Variants in TG observed in about 807,000 individuals in gnomAD.
TG encodes thyroglobulin, also known as thyroid hormones.
TG carries 270 observed loss-of-function variants against 324.7 expected under a neutral mutation model. The observed-to-expected ratio is 0.83, with a 90% CI of 0.75 to 0.92. The LOEUF (loss-of-function observed/expected upper bound fraction) is 0.92. TG is among the 40% of genes least tolerant of loss of function. TG has a pLI of 0.00. For missense variants in TG, 3,591 were observed against 3,456.4 expected (o/e 1.04, Z -0.98); for synonymous variants, 1,401 against 1,327.0 (o/e 1.06, Z -1.21).
chr8:133,076,622 T>G (rs538280224), intron 41 of TG: 1 of 152,266 alleles, frequency 6.6e-6, no homozygotes, highest in East Asian at 1.9e-4. Flanking sequence ...GTCAGAGGTA[T>G]GAGTTTTGTG....
chr8:133,094,934 C>T (rs1848177534), intron 41 of TG, 110 bp from the exon 42 acceptor site: 2 of 1,510,556 alleles, frequency 1.3e-6, no homozygotes, highest in Admixed American at 3.3e-5. Flanking sequence ...TCCTGGGACT[C>T]CCAAGCTTGG....
chr8:132,982,816 T>C (rs1831048862), intron 34 of TG, among the ~76,000 whole-genome samples: 2 of 152,230 alleles, frequency 1.3e-5, no homozygotes. Flanking sequence ...ACAGAGTCAG[T>C]AAGTGATAGT....
At chr8:133,051,784 G>C (rs866316715) in intron 41 of TG, among the ~76,000 whole-genome samples, 5 of 152,158 alleles carry the variant, frequency 3.3e-5, no homozygotes, top group African/African-American at 9.7e-5. Context: ...ATTTTTGGGG[G>C]AAATAACAAG....
intron 36 of TG, among the ~76,000 whole-genome samples, chr8:133,013,235 T>C (rs948149379): frequency 2.0e-5 from 3 of 152,256 alleles, no homozygotes; most frequent in African/African-American, 7.2e-5. Flanking sequence ...CTAGGATTTA[T>C]TGTAGTGCTC....
intron 10 of TG, 28 bp from the exon 11 acceptor site, chr8:132,893,662 T>C: frequency 1.9e-6 from 3 of 1,613,072 alleles, no homozygotes; most frequent in Non-Finnish European, 2.5e-6. Context: ...GGTGAGTGAG[T>C]CCATCTGTGT....
In TG at chr8:132,961,044, C is replaced by G. The variant is rs761925611; in HGVS notation, c.5438C>G (p.Thr1813Ser). 5 of 1,613,922 alleles carry G rather than the reference C, an allele frequency of 3.1e-6. No individual in the cohort carries two copies. Among genetic ancestry groups the G allele is most frequent in the Non-Finnish European group, 4.2e-6 (5 of 1,179,972 alleles). The change falls in exon 28 of 48, where the codon ACC (threonine) becomes AGC (serine). Residue 1813 changes from threonine (T) to serine (S), a missense_variant. Physicochemically the swap from Thr to Ser is moderately conservative, Grantham distance 58 (BLOSUM62 1). Transcript: ENST00000220616. The stretch of plus-strand genomic sequence containing the variant: ...TTAGAAGGAACTCAAGACACCTTTA[C>G]CAATTTTCAGCAGGTTTATCTCTGG... ...TPLEGTQDTF[T>S]NFQQVYLWKD... is the part of the protein sequence containing the mutation.
chr8:132,870,884 G>C (rs1358321335), intron 3 of TG, among the ~76,000 whole-genome samples: 1 of 152,132 alleles, frequency 6.6e-6, no homozygotes, highest in African/African-American at 2.4e-5. Context: ...CTCTTCATAA[G>C]GGATCCACTT....
Position 133,118,320 on chromosome 8 carries a change from CTTTTTTTTTTT to C in TG, c.7862+1618_7862+1628del, listed in dbSNP as rs34171048. Among the ~76,000 whole-genome samples, 6 of 88,972 alleles carry C rather than the reference CTTTTTTTTTTT, an allele frequency of 6.7e-5. No individual in the cohort carries two copies. In the East Asian group the frequency reaches 1.2e-3, roughly 19 times the overall value. The allele number at this position is 88,972 out of a possible 152,430, so 58.4% of individuals were successfully genotyped here. A position where few individuals can be genotyped will look rare whatever the true frequency, so the allele number is the denominator to read the frequency against. On this transcript the variant is annotated intron_variant, in intron 45 of 47. Coordinates refer to ENST00000220616, the MANE Select transcript of TG (RefSeq NM_003235.5). ...CCTGATTCCCCCAAACAGATTCTTCCTTTTTTTTTTTTTTTTTTTTTTTTGACGGGGTCTCC... is the reference window on the plus strand; with the variant it reads ...CCTGATTCCCCCAAACAGATTCTTCCTTTTTTTTTTTTTGACGGGGTCTCC...
At chr8:132,869,850 C>A (rs755654281) in intron 3 of TG, 24 bp downstream of exon 3, 1 of 1,603,692 alleles carries the variant, frequency 6.2e-7, no homozygotes, top group Non-Finnish European at 8.5e-7. Flanking sequence ...GGGGACGTCC[C>A]TTGGAGGGAC....
At chr8:133,111,291 A>AG in intron 43 of TG, among the ~76,000 whole-genome samples, 1 of 152,210 alleles carries the variant, frequency 6.6e-6, no homozygotes, top group South Asian at 2.1e-4. Flanking sequence ...GTGTGACCCT[A>AG]AACAAGCTAG....
At chr8:133,097,968 C>A (rs1463247769) in intron 43 of TG, among the ~76,000 whole-genome samples, 2 of 152,148 alleles carry the variant, frequency 1.3e-5, no homozygotes, top group South Asian at 4.1e-4. Flanking sequence ...GTGTGTGTTG[C>A]AAGGGGGGGT....
chr8:133,017,713 A>G (rs764198933), intron 37 of TG, 65 bp from the exon 38 acceptor site: 11 of 1,453,016 alleles, frequency 7.6e-6, no homozygotes, highest in African/African-American at 5.6e-5. Context: ...TCAGAATGCC[A>G]GTGGAGAGAG....
chr8:132,898,062 G>T, intron 12 of TG, 107 bp from the exon 13 acceptor site: 1 of 1,159,658 alleles, frequency 8.6e-7, no homozygotes, highest in Non-Finnish European at 1.3e-6. Flanking sequence ...GACAGAAGGC[G>T]ACCAGGCTTG....
intron 41 of TG, chr8:133,038,623 G>T: frequency 1.9e-6 from 3 of 1,613,920 alleles, no homozygotes; most frequent in Non-Finnish European, 2.5e-6. Flanking sequence ...CAAAGGAGGT[G>T]TTGTCCTCAC....
intron 25 of TG, 103 bp downstream of exon 25, chr8:132,935,967 C>A: frequency 1.2e-6 from 1 of 853,274 alleles, no homozygotes; most frequent in Non-Finnish European, 1.9e-6. Context: ...CAGACTGTCC[C>A]GCTCCCCACT....
intron 41 of TG, among the ~76,000 whole-genome samples, chr8:133,090,951 T>A (rs1847413243): frequency 6.6e-6 from 1 of 152,130 alleles, no homozygotes; most frequent in Non-Finnish European, 1.5e-5. Flanking sequence ...CTCTGGCACC[T>A]GCAGCCTAGG....
intron 37 of TG, among the ~76,000 whole-genome samples, chr8:133,016,411 G>T (rs190222261): frequency 2.4e-3 from 358 of 152,274 alleles, no homozygotes; most frequent in Middle Eastern, 6.8e-3. Context: ...AGCCAAAAAT[G>T]TCTCCAGATG....
At position 133,012,029 on chromosome 8, in the gene TG, T is replaced by TTG; in HGVS notation, c.6393_6394dup (p.Ser2132CysfsTer22). 6.2e-7 allele frequency: 1 copy of TTG among 1,614,154 alleles called. No homozygotes were observed. The highest frequency in any genetic ancestry group is 8.5e-7 in the Non-Finnish European group (1 of 1,180,020). ...TTTCTCTGCTGTCCGAGACCTCTGT[T>TTG]TGTCGGGTAAGGGGAGTTTCCAACC... On this transcript the variant is annotated frameshift_variant, in exon 36 of 48. Coordinates refer to ENST00000220616, the MANE Select transcript of TG (RefSeq NM_003235.5). LOFTEE classifies it high-confidence loss of function.
intron 35 of TG, among the ~76,000 whole-genome samples, chr8:133,000,609 C>T (rs1418128723): frequency 2.0e-5 from 3 of 152,186 alleles, no homozygotes; most frequent in African/African-American, 7.2e-5. Context: ...TCACATCAGA[C>T]AGCTGCGTGT....
Sources: allele counts gnomAD v4.1 joint callset (sites outside exome capture counted in the v4.1 genomes callset), GRCh38; gene constraint gnomAD v4.1.1; transcripts MANE v1.5; gene names NCBI Gene and HGNC (gene_info 2026-07-23, HGNC 2026-07-21).